The following ST13 variants were observed in gnomAD, a reference collection of about 807,000 sequenced individuals.
ST13 encodes the protein ST13 Hsp70 interacting protein, also known as hsc70-interacting protein.
In ST13, 23 loss-of-function variants were observed where a neutral mutation model predicts 56.7. That is an observed-to-expected ratio of 0.41 (90% CI 0.29 to 0.57). ST13 has a LOEUF of 0.57. Ranked by LOEUF, ST13 falls within the 20% of genes least tolerant of loss-of-function variation. The pLI is 0.36. For synonymous variants in ST13, 132 were observed against 142.4 expected (o/e 0.93, Z 0.52); for missense variants, 369 against 459.9 (o/e 0.80, Z 1.81).
At chr22:40,856,082 C>A (rs1429456606) in intron 1 of ST13, among the ~76,000 whole-genome samples, 3 of 152,264 alleles carry the variant, frequency 2.0e-5, no homozygotes, top group South Asian at 2.1e-4. Context: ...CTGAGCAGGG[C>A]ACACAAGACT....
In ST13 at chr22:40,856,433, C is replaced by G. The variant is rs773000370; in HGVS notation, c.108G>C (p.Glu36Asp). The change falls in exon 1 of 12, where the codon GAG (glutamate) becomes GAC (aspartate). Residue 36 changes from glutamate (E) to aspartate (D), a missense_variant and splice_region_variant. By Grantham distance (45) the Glu-to-Asp change is conservative. Coordinates refer to ENST00000216218, the MANE Select transcript of ST13 (RefSeq NM_003932.5). ...EEMRFLREWV[E>D]SMGGKVPPAT... is the part of the protein sequence containing the mutation. ...CGGTCCTCAGGCCTGGGTCTCACCT[C>G]TCCACCCACTCCCTCAGGAAGCGCA... 2.5e-6 allele frequency: 4 copies of G among 1,612,464 alleles called. No homozygotes were observed. The Admixed American group carries it at 6.7e-5, about 27-fold the overall frequency.
At chr22:40,840,498 G>C in intron 5 of ST13, 128 bp downstream of exon 5, 1 of 735,514 alleles carries the variant, frequency 1.4e-6, no homozygotes, top group Non-Finnish European at 2.3e-6. Flanking sequence ...AGGGGTGACT[G>C]GATAATAGGA....
chr22:40,831,078 TGTACAAAAAGACCTAA>T (rs2057751696), intron 8 of ST13, 122 bp from the exon 9 acceptor site: 1 of 702,438 alleles, frequency 1.4e-6, no homozygotes, highest in African/African-American at 1.8e-5. Flanking sequence ...AGATTTGTCT[TGTACAAAAAGACCTAA>T]CACAAGCTAA....
In ST13 at chr22:40,844,827, C is replaced by T; in HGVS notation, c.315+12G>A. 1 of 1,609,962 alleles carries T rather than the reference C, an allele frequency of 6.2e-7. No homozygotes were observed. Among genetic ancestry groups the T allele is most frequent in the South Asian group, 1.1e-5 (1 of 90,788 alleles). On this transcript the variant is annotated intron_variant, in intron 4 of 11. Transcript: ENST00000216218. Reference sequence around the variant, plus strand: ...TCTTAGAACAAGCAGGAAATCAAGTCACCGAACTTACCTCCGCATTTTCAT... The same window carrying T: ...TCTTAGAACAAGCAGGAAATCAAGTTACCGAACTTACCTCCGCATTTTCAT...
intron 5 of ST13, among the ~76,000 whole-genome samples, chr22:40,838,416 T>C (rs2057787502): frequency 6.6e-6 from 1 of 152,096 alleles, no homozygotes; most frequent in Non-Finnish European, 1.5e-5. Context: ...AACAAAAACA[T>C]GATTAGGTGA....
chr22:40,856,569 G>T lies in ST13; in HGVS notation c.-29C>A, dbSNP rs761975022. ...AGGGAGGTGGTGGGCGAAACTGGGG[G>T]GGCTACGGCCCGGTTCCAGGCCCAG... is the stretch of plus-strand genomic sequence containing the variant. On this transcript the variant is annotated 5_prime_UTR_variant, in exon 1 of 12. Coordinates refer to ENST00000216218, the MANE Select transcript of ST13 (RefSeq NM_003932.5). The T allele has an allele frequency of 4.4e-6, 7 of 1,587,728 alleles. No individual in the cohort carries two copies. Among genetic ancestry groups the T allele is most frequent in the South Asian group, 2.2e-5 (2 of 90,560 alleles).
chr22:40,853,865 A>G (rs929743246), intron 1 of ST13, among the ~76,000 whole-genome samples: 1 of 152,204 alleles, frequency 6.6e-6, no homozygotes, highest in Non-Finnish European at 1.5e-5. Context: ...AAATTGTTAA[A>G]CGGGAGAAAA....
At chr22:40,832,115 A>C (rs1053850468) in intron 8 of ST13, 1 of 457,248 alleles carries the variant, frequency 2.2e-6, no homozygotes, top group African/African-American at 2.0e-5. Flanking sequence ...CGGCCTCCCA[A>C]AGTGCTGGGA....
chr22:40,850,195 T>C (rs1007804110), intron 2 of ST13, among the ~76,000 whole-genome samples: 2 of 152,142 alleles, frequency 1.3e-5, no homozygotes, highest in Admixed American at 6.5e-5. Flanking sequence ...TAGGCTGAGG[T>C]TGCAGTGAGC....
intron 7 of ST13, among the ~76,000 whole-genome samples, chr22:40,833,564 CAA>C (rs138336): frequency 1.5e-3 from 171 of 115,352 alleles, no homozygotes; most frequent in Admixed American, 3.3e-3. Context: ...GACTCCATCT[CAA>C]AAAAAAAAAA....
At chr22:40,856,355 C>G in intron 1 of ST13, 76 bp downstream of exon 1, 2 of 1,329,688 alleles carry the variant, frequency 1.5e-6, no homozygotes, top group Non-Finnish European at 1.1e-6. Flanking sequence ...CCCGCCGGAC[C>G]GAGCCAGGTC....
chr22:40,848,002 G>T (rs565270254), intron 3 of ST13, among the ~76,000 whole-genome samples: 1 of 151,998 alleles, frequency 6.6e-6, no homozygotes, highest in East Asian at 1.9e-4. Context: ...AGCCGAGATT[G>T]TGCCAGTGCA....
At chr22:40,851,748 CTTTTTT>C in intron 1 of ST13, among the ~76,000 whole-genome samples, 1 of 141,638 alleles carries the variant, frequency 7.1e-6, no homozygotes, top group South Asian at 2.3e-4. Flanking sequence ...AGAAAGGGTT[CTTTTTT>C]TTTTTTTTTG....
Position 40,844,838 on chromosome 22 carries a change from C to A in ST13, c.315+1G>T. The A allele has an allele frequency of 6.2e-7, 1 of 1,612,654 alleles. No individual in the cohort carries two copies. The highest frequency in any genetic ancestry group is 1.3e-5 in the African/African-American group (1 of 75,010). ...GCAGGAAATCAAGTCACCGAACTTA[C>A]CTCCGCATTTTCATCTCCCATTTCT... On this transcript the variant is annotated splice_donor_variant, in intron 4 of 11. Coordinates refer to ENST00000216218, the MANE Select transcript of ST13 (RefSeq NM_003932.5). LOFTEE classifies it high-confidence loss of function.
intron 1 of ST13, 143 bp from the exon 2 acceptor site, chr22:40,851,023 T>C (rs1029581991): frequency 1.6e-6 from 1 of 609,318 alleles, no homozygotes; most frequent in South Asian, 2.4e-5. Context: ...TTAATCTGAA[T>C]GCTGTGGTAT....
At chr22:40,826,739 T>C (rs964206704) in intron 11 of ST13, 73 bp from the exon 12 acceptor site, 4 of 1,541,920 alleles carry the variant, frequency 2.6e-6, no homozygotes, top group African/African-American at 2.7e-5. Flanking sequence ...CTAAATTCCA[T>C]CTCTTATTTA....
intron 1 of ST13, among the ~76,000 whole-genome samples, chr22:40,853,767 C>T (rs917105652): frequency 6.6e-6 from 1 of 152,082 alleles, no homozygotes; most frequent in African/African-American, 2.4e-5. Flanking sequence ...CCATGTGCCA[C>T]GTACTGTACT....
At chr22:40,852,668 T>G (rs137990927) in intron 1 of ST13, among the ~76,000 whole-genome samples, 6 of 152,356 alleles carry the variant, frequency 3.9e-5, no homozygotes, top group African/African-American at 1.4e-4. Flanking sequence ...TAATATGGAA[T>G]AGCTCCCATG....
Position 40,856,613 on chromosome 22 carries a change from C to A in ST13, c.-73G>T. ...GGCCCAGGCGCTGGCTCGGCGTGAC[C>A]GCGCAGAAGGGGGCGGCTGCCGCAA... is the stretch of plus-strand genomic sequence containing the variant. On this transcript the variant is annotated 5_prime_UTR_variant, in exon 1 of 12. Coordinates refer to ENST00000216218, the MANE Select transcript of ST13 (RefSeq NM_003932.5). 1.6e-6 allele frequency: 2 copies of A among 1,256,956 alleles called. No individual in the cohort carries two copies. Among genetic ancestry groups the A allele is most frequent in the Non-Finnish European group, 2.3e-6 (2 of 863,470 alleles). 77.9% of individuals were successfully genotyped at this position (1,256,956 alleles called of 1,614,324 possible). A position where few individuals can be genotyped will look rare whatever the true frequency, so the allele number is the denominator to read the frequency against.
Sources: gnomAD v4.1 joint callset for allele counts (sites outside exome capture counted in the v4.1 genomes callset) on GRCh38, gnomAD v4.1.1 for gene constraint, MANE v1.5 for transcripts, NCBI Gene and HGNC (gene_info 2026-07-23, HGNC 2026-07-21) for gene names.